The following TNNI3K variants were observed in gnomAD, a reference collection of about 807,000 sequenced individuals.
TNNI3K encodes the protein serine/threonine-protein kinase TNNI3K.
In TNNI3K, 140 loss-of-function variants were observed where a neutral mutation model predicts 114.5. That is an observed-to-expected ratio of 1.22 (90% CI 1.07 to 1.41). TNNI3K has a LOEUF of 1.41. Ranked by LOEUF, TNNI3K falls within the 40% of genes most tolerant of loss-of-function variation. The pLI is 0.00. For synonymous variants in TNNI3K, 347 were observed against 347.5 expected, an observed-to-expected ratio of 1.00 and a Z score of 0.02; for missense variants, 1,125 against 1,007.6, an observed-to-expected ratio of 1.12 and a Z score of -1.58.
intron 17 of TNNI3K, among the ~76,000 whole-genome samples, chr1:74,394,936 C>A (rs1413878092): frequency 1.3e-5 from 2 of 151,344 alleles, no homozygotes; most frequent in East Asian, 3.9e-4. Flanking sequence ...CCCAGCTACT[C>A]GGGAGGCTGA....
intron 21 of TNNI3K, among the ~76,000 whole-genome samples, chr1:74,485,652 T>A (rs1668719972): frequency 3.3e-5 from 5 of 152,152 alleles, no homozygotes; most frequent in Admixed American, 2.6e-4. Context: ...CCCAAGTGGG[T>A]CTGACCTAAC....
intron 5 of TNNI3K, among the ~76,000 whole-genome samples, chr1:74,323,962 G>C (rs1298789429): frequency 6.6e-6 from 1 of 152,144 alleles, no homozygotes; most frequent in Admixed American, 6.5e-5. Flanking sequence ...GAAAATTGTG[G>C]TGTCAAGCAA....
intron 4 of TNNI3K, among the ~76,000 whole-genome samples, chr1:74,266,210 C>T (rs1241540911): frequency 6.6e-6 from 1 of 152,008 alleles, no homozygotes; most frequent in Non-Finnish European, 1.5e-5. Context: ...TTGGAATTCT[C>T]TGGAGGCTTA....
At chr1:74,479,150 CTCTCTT>C (rs900086550) in intron 21 of TNNI3K, among the ~76,000 whole-genome samples, 3 of 152,168 alleles carry the variant, frequency 2.0e-5, no homozygotes, top group African/African-American at 7.2e-5. Flanking sequence ...TCTGGTCTCT[CTCTCTT>C]TCTCTCCCCA....
At chr1:74,389,937 AG>A in intron 17 of TNNI3K, among the ~76,000 whole-genome samples, 1 of 152,314 alleles carries the variant, frequency 6.6e-6, no homozygotes, top group African/African-American at 2.4e-5. Context: ...ATAAGAGAAA[AG>A]GGACAATTTT....
chr1:74,423,476 G>T (rs1017148750), intron 17 of TNNI3K, among the ~76,000 whole-genome samples: 2 of 152,086 alleles, frequency 1.3e-5, no homozygotes, highest in Non-Finnish European at 1.5e-5. Flanking sequence ...GAAAGTAAAT[G>T]AATTTAGAAA....
At chr1:74,453,603 C>G (rs1205562265) in intron 20 of TNNI3K, among the ~76,000 whole-genome samples, 1 of 152,132 alleles carries the variant, frequency 6.6e-6, no homozygotes, top group Non-Finnish European at 1.5e-5. Flanking sequence ...AGCATTGACT[C>G]CTACACAAGT....
intron 23 of TNNI3K, among the ~76,000 whole-genome samples, chr1:74,493,115 A>G (rs1669159617): frequency 6.6e-6 from 1 of 152,168 alleles, no homozygotes; most frequent in South Asian, 2.1e-4. Flanking sequence ...TAGGGTTTCA[A>G]CATATGAATT....
At chr1:74,428,525 C>T (rs1234343922) in intron 17 of TNNI3K, among the ~76,000 whole-genome samples, 1 of 151,996 alleles carries the variant, frequency 6.6e-6, no homozygotes, top group Non-Finnish European at 1.5e-5. Context: ...GATAAAATAA[C>T]GTCTAAAAAA....
In TNNI3K at chr1:74,264,520, T is replaced by G. The variant is rs1402482145; in HGVS notation, c.334-7078T>G. Among the ~76,000 whole-genome samples the G allele has an allele frequency of 2.0e-5, 3 of 152,184 alleles. 1 individual carries two copies. Among genetic ancestry groups the G allele is most frequent in the South Asian group, 4.1e-4 (2 of 4,830 alleles). On this transcript the variant is annotated intron_variant, in intron 4 of 24. Coordinates refer to ENST00000326637, the MANE Select transcript of TNNI3K (RefSeq NM_015978.3). ...TTTTTCTTTATAAAAACAAATAAAC[T>G]TTAACAATTGCTATGCTGGTGAAGA...
rs189847733 is a variant in TNNI3K at position 74,422,478 on chromosome 1, T to A, written c.1773-13602T>A. 1.2e-3 allele frequency among the ~76,000 whole-genome samples: 190 copies of A among 152,226 alleles called. 1 individual carries two copies. The highest frequency in any genetic ancestry group is 4.2e-3 in the African/African-American group (175 of 41,566). Reference sequence around the variant, plus strand: ...AAATGTGAAGCTCAGTCAATTAATTTCTTCCCCCAGATCACTCAGTGAACT... The same window carrying A: ...AAATGTGAAGCTCAGTCAATTAATTACTTCCCCCAGATCACTCAGTGAACT... On this transcript the variant is annotated intron_variant, in intron 17 of 24. Coordinates refer to ENST00000326637, the MANE Select transcript of TNNI3K (RefSeq NM_015978.3).
intron 17 of TNNI3K, among the ~76,000 whole-genome samples, chr1:74,431,917 A>C (rs1198082600): frequency 6.6e-6 from 1 of 152,154 alleles, no homozygotes; most frequent in Non-Finnish European, 1.5e-5. Context: ...AATGCTAAAA[A>C]TTACTCTAAG....
At chr1:74,346,525 C>G (rs1458576700) in intron 9 of TNNI3K, among the ~76,000 whole-genome samples, 1 of 151,858 alleles carries the variant, frequency 6.6e-6, no homozygotes, top group Non-Finnish European at 1.5e-5. Context: ...TCTTAAAGTT[C>G]CAGATGTGAG....
intron 19 of TNNI3K, 154 bp from the exon 20 acceptor site, chr1:74,439,336 C>A: frequency 1.7e-6 from 2 of 1,202,898 alleles, no homozygotes; most frequent in Non-Finnish European, 2.2e-6. Flanking sequence ...GTTTATTGCA[C>A]ACACTGAGGG....
intron 11 of TNNI3K, among the ~76,000 whole-genome samples, chr1:74,361,975 T>G (rs1036960781): frequency 5.3e-5 from 8 of 152,090 alleles, no homozygotes; most frequent in African/African-American, 1.7e-4. Flanking sequence ...GCCTGCTGAT[T>G]AAGGAACAAG....
intron 17 of TNNI3K, among the ~76,000 whole-genome samples, chr1:74,424,553 T>C (rs1386371434): frequency 2.6e-5 from 4 of 151,860 alleles, no homozygotes; most frequent in African/African-American, 7.3e-5. Context: ...ACCCCATCTC[T>C]AATAAAAATA....
At chr1:74,396,175 T>C (rs752724741) in intron 17 of TNNI3K, among the ~76,000 whole-genome samples, 4 of 152,128 alleles carry the variant, frequency 2.6e-5, no homozygotes, top group African/African-American at 7.2e-5. Flanking sequence ...GACAGGGAGA[T>C]CAGAGGGCAG....
intron 23 of TNNI3K, among the ~76,000 whole-genome samples, chr1:74,534,716 G>T (rs948423556): frequency 1.5e-5 from 2 of 136,640 alleles, no homozygotes; most frequent in African/African-American, 5.0e-5. Context: ...ATTGCAACAT[G>T]AATATTCTAC....
chr1:74,453,409 T>G (rs1418876817), intron 20 of TNNI3K, among the ~76,000 whole-genome samples: 1 of 152,164 alleles, frequency 6.6e-6, no homozygotes, highest in Non-Finnish European at 1.5e-5. Flanking sequence ...AGCAATAAAT[T>G]ATGTGAAGCA....
Sources: gnomAD v4.1 joint callset for allele counts (sites outside exome capture counted in the v4.1 genomes callset) on GRCh38, gnomAD v4.1.1 for gene constraint, MANE v1.5 for transcripts, NCBI Gene and HGNC (gene_info 2026-07-23, HGNC 2026-07-21) for gene names.